The following LRRC69 variants were observed in gnomAD, a reference collection of about 807,000 sequenced individuals.
The protein encoded by LRRC69 is leucine rich repeat containing 69, also known as leucine-rich repeat-containing protein 69.
Under a neutral mutation model 37.8 loss-of-function variants are expected in LRRC69, and 42 were observed. The ratio of observed to expected loss-of-function variants is 1.11; its 90% CI spans 0.87 to 1.44. The LOEUF is 1.44. Among genes scored for constraint, LRRC69 ranks in the 40% most tolerant of loss-of-function variants. LRRC69 has a pLI of 0.00. For synonymous variants in LRRC69, 141 were observed against 143.1 expected (o/e 0.99, Z 0.11); for missense variants, 357 against 401.9 (o/e 0.89, Z 0.96).
At chr8:91,171,346 TC>T (rs1809128120) in intron 5 of LRRC69, among the ~76,000 whole-genome samples, 1 of 151,978 alleles carries the variant, frequency 6.6e-6, no homozygotes, top group African/African-American at 2.4e-5. Flanking sequence ...CTTCGGAGGA[TC>T]ATAAACAATT....
exon 2 of LRRC69, chr8:91,124,518 A>G (rs1813685972): frequency 1.3e-6 from 2 of 1,540,536 alleles, no homozygotes; most frequent in Non-Finnish European, 1.8e-6. Context: ...CTGGGAAACA[A>G]CCTTTTAGAA....
chr8:91,195,338 G>A lies in LRRC69; in HGVS notation c.754-5275G>A, dbSNP rs11534107. ...ATATTCTGTTGATTTGGGGTGGAGA[G>A]TTCTGTAGATGTCTATTAGGTCCGC... is the stretch of plus-strand genomic sequence containing the variant. On this transcript the variant is annotated intron_variant, in intron 6 of 7. Coordinates refer to ENST00000448384, the Ensembl canonical transcript of LRRC69. Among the ~76,000 whole-genome samples, 2,158 of 151,564 alleles carry A rather than the reference G, an allele frequency of 0.014. 120 individuals are homozygous for A. The East Asian group carries it at 0.21, about 15-fold the overall frequency.
At chr8:91,178,795 A>G (rs1809277556) in intron 5 of LRRC69, among the ~76,000 whole-genome samples, 1 of 152,154 alleles carries the variant, frequency 6.6e-6, no homozygotes, top group South Asian at 2.1e-4. Context: ...TCTTTCCTTA[A>G]CTGGTGTCCC....
intron 1 of LRRC69, among the ~76,000 whole-genome samples, chr8:91,120,946 G>T (rs532316925): frequency 1.3e-5 from 2 of 151,870 alleles, no homozygotes; most frequent in Non-Finnish European, 2.9e-5. Context: ...GATCTAAAAG[G>T]CTTCTTAATT....
At position 91,198,382 on chromosome 8, in the gene LRRC69, C is replaced by T. The variant is rs1809655093; in HGVS notation, c.754-2231C>T. 4.6e-5 allele frequency among the ~76,000 whole-genome samples: 7 copies of T among 152,246 alleles called. No homozygotes were observed. In the South Asian group the frequency reaches 1.5e-3, roughly 32 times the overall value. On this transcript the variant is annotated intron_variant, in intron 6 of 7. Transcript: ENST00000448384. ...ATAAGTCATAGAGCCAGAATTTACA[C>T]CTATGCATGTATTTGTCTCAGACTT...
At chr8:91,107,981 A>T (rs1001055154) in intron 1 of LRRC69, among the ~76,000 whole-genome samples, 3 of 152,068 alleles carry the variant, frequency 2.0e-5, no homozygotes, top group Non-Finnish European at 4.4e-5. Context: ...GCCTAACCAA[A>T]CACACGTAGG....
chr8:91,147,867 C>T (rs899765413), intron 5 of LRRC69, among the ~76,000 whole-genome samples: 2 of 151,428 alleles, frequency 1.3e-5, no homozygotes, highest in East Asian at 1.9e-4. Flanking sequence ...CCCCACCTGG[C>T]CCCCCCAACA....
At chr8:91,204,812 G>T (rs1229664299) in intron 7 of LRRC69, among the ~76,000 whole-genome samples, 1 of 152,184 alleles carries the variant, frequency 6.6e-6, no homozygotes, top group African/African-American at 2.4e-5. Flanking sequence ...AACTGTAATT[G>T]TGAAACTTTC....
At chr8:91,199,900 CTTTATTA>C (rs1204010223) in intron 6 of LRRC69, among the ~76,000 whole-genome samples, 2 of 152,052 alleles carry the variant, frequency 1.3e-5, no homozygotes, top group Admixed American at 1.3e-4. Flanking sequence ...TACTTCCTCC[CTTTATTA>C]TTTAGTATTT....
intron 5 of LRRC69, among the ~76,000 whole-genome samples, chr8:91,175,375 A>G (rs759419466): frequency 2.6e-5 from 4 of 150,994 alleles, no homozygotes; most frequent in Non-Finnish European, 5.9e-5. Context: ...CCTTTTTTCT[A>G]CTCCTTTATA....
At chr8:91,202,501 G>A (rs1180799384) in intron 7 of LRRC69, among the ~76,000 whole-genome samples, 3 of 152,186 alleles carry the variant, frequency 2.0e-5, no homozygotes, top group Non-Finnish European at 4.4e-5. Flanking sequence ...AGTCTTCACA[G>A]AGGAAATGAT....
intron 5 of LRRC69, among the ~76,000 whole-genome samples, chr8:91,147,871 C>A (rs530307434): frequency 1.3e-5 from 2 of 151,688 alleles, no homozygotes; most frequent in East Asian, 1.9e-4. Context: ...ACCTGGCCCC[C>A]CCAACAGGCC....
At chr8:91,125,560 C>A (rs1813701245) in intron 2 of LRRC69, among the ~76,000 whole-genome samples, 1 of 151,756 alleles carries the variant, frequency 6.6e-6, no homozygotes, top group South Asian at 2.1e-4. Context: ...AGTTCAGTTA[C>A]AATTTACCTT....
rs545044196 is a variant in LRRC69, at chr8:91,136,640, G to T, written c.651+901G>T. On this transcript the variant is annotated intron_variant, in intron 5 of 7. Coordinates refer to ENST00000448384, the Ensembl canonical transcript of LRRC69. ...GTTCATCTTCTCCAGCTGAAACTCTGTATCCATTCAACTCCAACTCCCCAT... is the reference window on the plus strand; with the variant it reads ...GTTCATCTTCTCCAGCTGAAACTCTTTATCCATTCAACTCCAACTCCCCAT... 2.6e-5 allele frequency among the ~76,000 whole-genome samples: 4 copies of T among 152,018 alleles called. No individual in the cohort carries two copies. The South Asian group carries it at 8.3e-4, about 32-fold the overall frequency.
chr8:91,156,910 A>G (rs1354223942), intron 5 of LRRC69, among the ~76,000 whole-genome samples: 1 of 151,232 alleles, frequency 6.6e-6, no homozygotes, highest in Non-Finnish European at 1.5e-5. Flanking sequence ...CACCTTTGTC[A>G]AAAATCAGTT....
At chr8:91,197,516 C>G (rs920134378) in intron 6 of LRRC69, among the ~76,000 whole-genome samples, 4 of 152,108 alleles carry the variant, frequency 2.6e-5, no homozygotes, top group African/African-American at 9.7e-5. Flanking sequence ...GTAGGACCCT[C>G]CGAGCCAGGT....
chr8:91,144,512 A>T (rs34184044), intron 5 of LRRC69, among the ~76,000 whole-genome samples: 7,960 of 151,780 alleles, frequency 0.052, 302 homozygotes, highest in Middle Eastern at 0.16. Flanking sequence ...CTTGTGGCTC[A>T]TTTGGTTTGT....
rs576396109 is a variant in LRRC69 at position 91,181,071 on chromosome 8, A to G, written c.652-8451A>G. Among the ~76,000 whole-genome samples the G allele has an allele frequency of 2.6e-5, 4 of 152,298 alleles. No homozygotes were observed. In the South Asian group the frequency reaches 8.3e-4, roughly 32 times the overall value. ...GGCTATTTTCTAAAATCTTTATTGT[A>G]TAGTATCTGAGTATAACTGTTTGAG... is the stretch of plus-strand genomic sequence containing the variant. On this transcript the variant is annotated intron_variant, in intron 5 of 7. Transcript: ENST00000448384.
intron 5 of LRRC69, among the ~76,000 whole-genome samples, chr8:91,155,316 A>T (rs1215401657): frequency 6.6e-6 from 1 of 151,022 alleles, no homozygotes; most frequent in Non-Finnish European, 1.5e-5. Flanking sequence ...TTTCTATTAC[A>T]TACCTCCATC....
Sources: allele counts gnomAD v4.1 joint callset (sites outside exome capture counted in the v4.1 genomes callset), GRCh38; gene constraint gnomAD v4.1.1; transcripts MANE v1.5; gene names NCBI Gene and HGNC (gene_info 2026-07-23, HGNC 2026-07-21).